Variants in DOCK1 observed in about 807,000 individuals in gnomAD.
DOCK1 encodes dedicator of cytokinesis 1, also known as dedicator of cytokinesis protein 1.
In DOCK1, 138 loss-of-function variants were observed where a neutral mutation model predicts 262.7. The ratio of observed to expected loss-of-function variants is 0.53; its 90% CI spans 0.46 to 0.61. The LOEUF (loss-of-function observed/expected upper bound fraction) is 0.61. Among genes scored for constraint, DOCK1 ranks in the 20% least tolerant of loss-of-function variants. The pLI, the probability that DOCK1 is intolerant of heterozygous loss-of-function variation, is 0.00. For synonymous variants in DOCK1, 866 were observed against 867.4 expected (o/e 1.00, Z 0.03); for missense variants, 1,908 against 2,370.7 (o/e 0.80, Z 4.05).
intron 4 of DOCK1, among the ~76,000 whole-genome samples, chr10:126,985,400 A>G (rs981121422): frequency 3.9e-5 from 6 of 152,108 alleles, no homozygotes; most frequent in African/African-American, 4.8e-5. Flanking sequence ...ACAAGGTGGT[A>G]ACAAAGGTAA....
In DOCK1 at chr10:127,407,047, G is replaced by T. The variant is rs115903326; in HGVS notation, c.4123-1990G>T. On this transcript the variant is annotated intron_variant, in intron 40 of 51. Coordinates refer to ENST00000623213, the MANE Select transcript of DOCK1 (RefSeq NM_001290223.2). ...TTTTTTTTCGGGGGGGCGGTGGGGA[G>T]AAATAGAGCATTTTTCTTCCATAAT... 8.9e-3 allele frequency among the ~76,000 whole-genome samples: 1,351 copies of T among 151,816 alleles called. 20 individuals carry two copies. Among genetic ancestry groups the T allele is most frequent in the African/African-American group, 0.031 (1,299 of 41,378 alleles).
chr10:127,125,320 C>T (rs575674096), intron 25 of DOCK1, among the ~76,000 whole-genome samples, 154 bp from the exon 26 acceptor site: 1 of 152,290 alleles, frequency 6.6e-6, no homozygotes, highest in East Asian at 1.9e-4. Flanking sequence ...ACACGGTGTT[C>T]TCACAGTCAA....
At chr10:126,983,418 A>C (rs889318737) in intron 4 of DOCK1, among the ~76,000 whole-genome samples, 2 of 151,944 alleles carry the variant, frequency 1.3e-5, no homozygotes, top group African/African-American at 4.8e-5. Context: ...CCACGCTTTC[A>C]TCCCACCTCT....
chr10:127,205,476 T>C (rs1305823166), intron 27 of DOCK1, among the ~76,000 whole-genome samples: 1 of 152,182 alleles, frequency 6.6e-6, no homozygotes, highest in Non-Finnish European at 1.5e-5. Context: ...GAAAATAGGG[T>C]AAGCAGATTA....
chr10:127,276,897 G>A (rs1220962450), intron 29 of DOCK1, among the ~76,000 whole-genome samples: 2 of 136,452 alleles, frequency 1.5e-5, no homozygotes, highest in African/African-American at 2.5e-5. Flanking sequence ...CCTCAGAGAT[G>A]TAAGATGAAT....
chr10:127,077,075 G>A (rs1315942941), intron 23 of DOCK1, among the ~76,000 whole-genome samples: 2 of 152,118 alleles, frequency 1.3e-5, no homozygotes, highest in East Asian at 1.9e-4. Context: ...TTTCTCTGAG[G>A]TCAGCTTGCT....
At chr10:127,205,003 G>A (rs2057648777) in intron 27 of DOCK1, among the ~76,000 whole-genome samples, 1 of 152,030 alleles carries the variant, frequency 6.6e-6, no homozygotes, top group Non-Finnish European at 1.5e-5. Flanking sequence ...GGCTATCTGA[G>A]CTGGATGCCC....
intron 27 of DOCK1, among the ~76,000 whole-genome samples, chr10:127,209,692 G>C (rs1425951602): frequency 1.3e-5 from 2 of 152,198 alleles, no homozygotes; most frequent in Non-Finnish European, 2.9e-5. Context: ...GCAGGAAAAT[G>C]ATTCACATCA....
chr10:126,926,063 G>A (rs1030240959), intron 1 of DOCK1, among the ~76,000 whole-genome samples: 1 of 151,916 alleles, frequency 6.6e-6, no homozygotes, highest in African/African-American at 2.4e-5. Context: ...TGTAGGGTGG[G>A]GATAAATAGT....
At chr10:127,415,864 GA>G (rs1320166873) in intron 44 of DOCK1, among the ~76,000 whole-genome samples, 9 of 152,156 alleles carry the variant, frequency 5.9e-5, no homozygotes, top group Admixed American at 2.0e-4. Context: ...TGACAGTATT[GA>G]AATGTCAGGG....
At chr10:127,031,886 C>T (rs1226265568) in intron 17 of DOCK1, 133 bp downstream of exon 17, 11 of 918,510 alleles carry the variant, frequency 1.2e-5, no homozygotes, top group Non-Finnish European at 1.8e-5. Flanking sequence ...TGCAAATGAA[C>T]ATTTCCAATG....
chr10:126,976,808 A>G (rs1434738441), intron 2 of DOCK1, among the ~76,000 whole-genome samples: 1 of 151,728 alleles, frequency 6.6e-6, no homozygotes, highest in Non-Finnish European at 1.5e-5. Flanking sequence ...ATCTTAGCTC[A>G]CTGCAACCTC....
intron 46 of DOCK1, among the ~76,000 whole-genome samples, chr10:127,424,510 C>A (rs1168794913): frequency 1.3e-5 from 2 of 152,154 alleles, no homozygotes; most frequent in Admixed American, 6.5e-5. Flanking sequence ...CACCTTGCAA[C>A]AGCACCTCCA....
At chr10:127,382,680 G>A (rs974462884) in intron 37 of DOCK1, among the ~76,000 whole-genome samples, 1 of 152,014 alleles carries the variant, frequency 6.6e-6, no homozygotes, top group Non-Finnish European at 1.5e-5. Flanking sequence ...GGTGTTTTTT[G>A]CAAATGTGAA....
rs762120736 is a variant in DOCK1 at position 127,381,314 on chromosome 10, T to C, written c.3753T>C (p.Cys1251=). Residue 1251 remains cysteine, a synonymous_variant, in exon 37 of 52, where the codon TGT becomes TGC. Coordinates refer to ENST00000623213, the MANE Select transcript of DOCK1 (RefSeq NM_001290223.2). ...LYKLCDLHKE[C]DNYTEAAYTL... is the part of the protein sequence containing the mutation. ...AGCTCTGTGACCTGCACAAGGAGTG[T>C]GATAACTACACCGAAGCGGCTTACA... is the stretch of plus-strand genomic sequence containing the variant. 9 of 1,613,086 alleles carry C rather than the reference T, an allele frequency of 5.6e-6. No homozygotes were observed. In the East Asian group the frequency reaches 2.0e-4, roughly 36 times the overall value.
intron 1 of DOCK1, among the ~76,000 whole-genome samples, chr10:126,958,242 C>T (rs1012604244): frequency 1.5e-4 from 23 of 152,144 alleles, no homozygotes; most frequent in African/African-American, 5.3e-4. Context: ...ATATTTATGT[C>T]TGTATATATG....
rs192634454 is a variant in DOCK1 at position 127,437,196 on chromosome 10, A to G, written c.5061-1831A>G. ...TCATAACCTGTTCTCTCTCTTATGG[A>G]GATGTTAACAGCTATTGATAATCAG... is the stretch of plus-strand genomic sequence containing the variant. On this transcript the variant is annotated intron_variant, in intron 48 of 51. Coordinates refer to ENST00000623213, the MANE Select transcript of DOCK1 (RefSeq NM_001290223.2). The surrounding 1 kb of genome is among the most constrained non-coding windows in gnomAD (Gnocchi z 4.4). Among the ~76,000 whole-genome samples, 22 of 152,310 alleles carry G rather than the reference A, an allele frequency of 1.4e-4. No individual in the cohort carries two copies. The highest frequency in any genetic ancestry group is 5.3e-4 in the African/African-American group (22 of 41,570).
At chr10:126,925,002 A>AT (rs757525862) in intron 1 of DOCK1, among the ~76,000 whole-genome samples, 4 of 152,224 alleles carry the variant, frequency 2.6e-5, no homozygotes, top group Non-Finnish European at 5.9e-5. Context: ...AGCTTTGCAG[A>AT]TTCTTTTTAA....
chr10:127,163,963 C>T (rs1307158888), intron 27 of DOCK1, among the ~76,000 whole-genome samples: 1 of 151,816 alleles, frequency 6.6e-6, no homozygotes, highest in African/African-American at 2.4e-5. Flanking sequence ...TGGGGAGGCT[C>T]TGGCTGTTAG....
Sources: allele counts gnomAD v4.1 joint callset (sites outside exome capture counted in the v4.1 genomes callset), GRCh38; gene constraint gnomAD v4.1.1; non-coding constraint Gnocchi (gnomAD v3.1); transcripts MANE v1.5; gene names NCBI Gene and HGNC (gene_info 2026-07-23, HGNC 2026-07-21).